BMP2K: variants seen among roughly 807,000 people sequenced by gnomAD.
The protein encoded by BMP2K is BMP-2-inducible protein kinase.
In BMP2K, 74 loss-of-function variants were observed where a neutral mutation model predicts 116.0. That is an observed-to-expected ratio of 0.64 (90% CI 0.53 to 0.77). The LOEUF is 0.77. Ranked by LOEUF, BMP2K falls within the 30% of genes least tolerant of loss-of-function variation. The pLI is 0.00. For synonymous variants in BMP2K, 486 were observed against 502.5 expected (o/e 0.97, Z 0.44); for missense variants, 1,365 against 1,403.6 (o/e 0.97, Z 0.44).
chr4:78,800,289 C>T (rs1012167660), intron 1 of BMP2K, among the ~76,000 whole-genome samples: 2 of 152,186 alleles, frequency 1.3e-5, no homozygotes, highest in Admixed American at 1.3e-4. Flanking sequence ...TTACAGAAGG[C>T]TGTGTTTACT....
At position 78,844,909 on chromosome 4, in the gene BMP2K, T is replaced by C; in HGVS notation, c.547-19T>C. 9 of 1,573,850 alleles carry C rather than the reference T, an allele frequency of 5.7e-6. No individual in the cohort carries two copies. Among genetic ancestry groups the C allele is most frequent in the South Asian group, 1.1e-5 (1 of 88,482 alleles). ...TTCACTTTGAAAATACTACTCATTA[T>C]TGATTTTCTTTTCTTAAGGTAGAAA... On this transcript the variant is annotated intron_variant, in intron 4 of 15. Transcript: ENST00000502613.
intron 1 of BMP2K, among the ~76,000 whole-genome samples, chr4:78,815,068 G>A (rs1161191014): frequency 2.6e-5 from 4 of 152,088 alleles, no homozygotes; most frequent in Non-Finnish European, 4.4e-5. Context: ...TGATGAGAAA[G>A]GATGTGTTTC....
In BMP2K at chr4:78,872,705, C is replaced by T. The variant is rs1732429590; in HGVS notation, c.1700C>T (p.Ser567Phe). The change falls in exon 13 of 16, where the codon TCC becomes TTC. Residue 567 changes from serine (S) to phenylalanine (F), a missense_variant. Coordinates refer to ENST00000502613, the MANE Select transcript of BMP2K (RefSeq NM_198892.2). ...CAGGCATCACCTGAATATCTTACCT[C>T]CCCTCAAGAGTTCTCACCAGCCTTA... ...QQQASPEYLT[S>F]PQEFSPALVS... The T allele has an allele frequency of 6.2e-7, 1 of 1,614,140 alleles. No homozygotes were observed. Among genetic ancestry groups the T allele is most frequent in the Admixed American group, 1.7e-5 (1 of 60,014 alleles).
chr4:78,818,027 A>G (rs1729438109), intron 1 of BMP2K, among the ~76,000 whole-genome samples: 1 of 152,182 alleles, frequency 6.6e-6, no homozygotes, highest in Non-Finnish European at 1.5e-5. Context: ...TGGGGGAGGC[A>G]TTCATTTAGA....
chr4:78,845,195 G>T (rs1730942101), intron 5 of BMP2K, 146 bp downstream of exon 5: 1 of 739,372 alleles, frequency 1.4e-6, no homozygotes, highest in South Asian at 1.9e-5. Flanking sequence ...ATTAATTCAT[G>T]TCTGATCTAG....
rs1192728288 is a variant in BMP2K, at chr4:78,914,290, T to A, written c.*2257T>A. 6.6e-6 allele frequency: 1 copy of A among 152,116 alleles called. No individual in the cohort carries two copies. The highest frequency in any genetic ancestry group is 1.5e-5 in the Non-Finnish European group (1 of 67,970). 9.4% of individuals were successfully genotyped at this position (152,116 alleles called of 1,614,324 possible). ...CTGACACTGATGTAGACCCTTTGACTTATAAATTCTGAGGAAACAACTGAC... is the reference window on the plus strand; with the variant it reads ...CTGACACTGATGTAGACCCTTTGACATATAAATTCTGAGGAAACAACTGAC... On this transcript the variant is annotated 3_prime_UTR_variant, in exon 16 of 16. Coordinates refer to ENST00000502613, the MANE Select transcript of BMP2K (RefSeq NM_198892.2).
rs895475437 is a variant in BMP2K, at chr4:78,776,845, A to G, written c.178+124A>G. The stretch of plus-strand genomic sequence containing the variant: ...CCCATTCTTCCTCTGCTGCCGGGCC[A>G]GCGGGGGCTCCTAAAGAGTGGCTCG... On this transcript the variant is annotated intron_variant, in intron 1 of 15. Transcript: ENST00000502613. 1.9e-5 allele frequency: 18 copies of G among 971,730 alleles called. No individual in the cohort carries two copies. In the East Asian group the frequency reaches 6.2e-4, roughly 33 times the overall value. 60.2% of individuals were successfully genotyped at this position (971,730 alleles called of 1,614,324 possible). A position where few individuals can be genotyped will look rare whatever the true frequency, so the allele number is the denominator to read the frequency against.
At chr4:78,907,400 TA>T (rs1734338964) in intron 15 of BMP2K, among the ~76,000 whole-genome samples, 2 of 152,294 alleles carry the variant, frequency 1.3e-5, no homozygotes, top group Admixed American at 1.3e-4. Flanking sequence ...GTAATAATTT[TA>T]AAAAGAAGGC....
chr4:78,788,327 G>A lies in BMP2K; in HGVS notation c.178+11606G>A, dbSNP rs184975187. On this transcript the variant is annotated intron_variant, in intron 1 of 15. Coordinates refer to ENST00000502613, the MANE Select transcript of BMP2K (RefSeq NM_198892.2). The stretch of plus-strand genomic sequence containing the variant: ...ATGGTGTCTTCTATGATCACTAACA[G>A]GAGTATGTAAGATAGTTAACTGTTA... Among the ~76,000 whole-genome samples the A allele has an allele frequency of 1.9e-4, 29 of 151,972 alleles. 1 individual carries two copies. In the East Asian group the frequency reaches 5.6e-3, roughly 29 times the overall value.
At chr4:78,866,736 C>T (rs1035419599) in intron 10 of BMP2K, among the ~76,000 whole-genome samples, 2 of 152,104 alleles carry the variant, frequency 1.3e-5, no homozygotes, top group African/African-American at 4.8e-5. Flanking sequence ...CTGCAACCTC[C>T]GCCTCCTGGG....
chr4:78,779,852 C>CT (rs1188943763), intron 1 of BMP2K, among the ~76,000 whole-genome samples: 1 of 152,148 alleles, frequency 6.6e-6, no homozygotes, highest in Admixed American at 6.5e-5. Context: ...GAAAATAGAA[C>CT]TTGCACCTTT....
At chr4:78,800,181 G>C (rs1728499610) in intron 1 of BMP2K, among the ~76,000 whole-genome samples, 1 of 152,148 alleles carries the variant, frequency 6.6e-6, no homozygotes, top group African/African-American at 2.4e-5. Flanking sequence ...CATGGTTTGG[G>C]TATCAGGTCT....
chr4:78,813,153 A>C (rs573985458), intron 1 of BMP2K, among the ~76,000 whole-genome samples: 1 of 152,142 alleles, frequency 6.6e-6, no homozygotes, highest in African/African-American at 2.4e-5. Flanking sequence ...CTCAGTCCAA[A>C]AGCCCTGAAA....
intron 3 of BMP2K, among the ~76,000 whole-genome samples, chr4:78,840,916 G>T (rs1296935595): frequency 6.6e-6 from 1 of 152,122 alleles, no homozygotes; most frequent in Admixed American, 6.5e-5. Flanking sequence ...TCAAGGATGT[G>T]AATGTACACC....
intron 2 of BMP2K, among the ~76,000 whole-genome samples, chr4:78,829,394 AGTTTTTT>A (rs1380466050): frequency 4.2e-5 from 6 of 143,296 alleles, no homozygotes; most frequent in African/African-American, 8.6e-5. Context: ...ACTTAATTAT[AGTTTTTT>A]GTTTTTTTTT....
intron 3 of BMP2K, among the ~76,000 whole-genome samples, chr4:78,834,702 T>C (rs1476469875): frequency 6.6e-6 from 1 of 152,156 alleles, no homozygotes; most frequent in Non-Finnish European, 1.5e-5. Context: ...TTAATTACTA[T>C]CCCAGAAACT....
chr4:78,793,477 G>T (rs1258608238), intron 1 of BMP2K, among the ~76,000 whole-genome samples: 2 of 151,444 alleles, frequency 1.3e-5, no homozygotes, highest in Non-Finnish European at 2.9e-5. Flanking sequence ...ATTAATAAAG[G>T]TTTAAAAATT....
At chr4:78,865,513 A>C in intron 9 of BMP2K, 44 bp from the exon 10 acceptor site, 2 of 1,568,320 alleles carry the variant, frequency 1.3e-6, no homozygotes, top group Non-Finnish European at 1.8e-6. Flanking sequence ...AGTAAATTAG[A>C]AATAATCCCA....
At position 78,814,532 on chromosome 4, in the gene BMP2K, C is replaced by T. The variant is rs138845695; in HGVS notation, c.179-11505C>T. On this transcript the variant is annotated intron_variant, in intron 1 of 15. Coordinates refer to ENST00000502613, the MANE Select transcript of BMP2K (RefSeq NM_198892.2). ...GTTCTCATGATAGTGAGTGAGTTCT[C>T]ACAAGATCTGATGGTTTTATAAGGG... Among the ~76,000 whole-genome samples, 1,013 of 152,200 alleles carry T rather than the reference C, an allele frequency of 6.7e-3. 13 individuals carry two copies. The highest frequency in any genetic ancestry group is 8.0e-3 in the Non-Finnish European group (545 of 67,988).
Sources: gnomAD v4.1 joint callset for allele counts (sites outside exome capture counted in the v4.1 genomes callset) on GRCh38, gnomAD v4.1.1 for gene constraint, MANE v1.5 for transcripts, NCBI Gene and HGNC (gene_info 2026-07-23, HGNC 2026-07-21) for gene names.